Variants in TECPR2 observed in about 807,000 individuals in gnomAD.
TECPR2 encodes tectonin beta-propeller repeat containing 2, also known as tectonin beta-propeller repeat-containing protein 2.
A neutral mutation model predicts 138.1 loss-of-function variants in TECPR2; 65 were observed. The ratio of observed to expected loss-of-function variants is 0.47; its 90% CI spans 0.39 to 0.58. TECPR2 has a LOEUF of 0.58. Ranked by LOEUF, TECPR2 falls within the 20% of genes least tolerant of loss-of-function variation. The pLI is 0.00. For missense variants in TECPR2, 1,553 were observed against 1,824.5 expected, an observed-to-expected ratio of 0.85 and a Z score of 2.71; for synonymous variants, 746 against 749.8, an observed-to-expected ratio of 0.99 and a Z score of 0.08.
intron 17 of TECPR2, among the ~76,000 whole-genome samples, chr14:102,480,849 T>TG (rs1555454610): frequency 8.1e-6 from 1 of 123,198 alleles, no homozygotes; most frequent in Non-Finnish European, 1.7e-5. Flanking sequence ...GGGTTTTTTT[T>TG]TTTTTTTTTT....
chr14:102,487,302 T>C (rs943288672), intron 17 of TECPR2, among the ~76,000 whole-genome samples: 4 of 152,232 alleles, frequency 2.6e-5, no homozygotes, highest in African/African-American at 9.6e-5. Flanking sequence ...CTGAATTTCT[T>C]CCAAGTTCTG....
chr14:102,398,863 A>G (rs1888389829), intron 2 of TECPR2, among the ~76,000 whole-genome samples: 1 of 151,806 alleles, frequency 6.6e-6, no homozygotes. Context: ...TCAAAAAAGG[A>G]TTCAACCTGA....
At position 102,480,218 on chromosome 14, in the gene TECPR2, T is replaced by G. The variant is rs55996788; in HGVS notation, c.3789+14929T>G. ...GCCCAGGCATCTTGGTTGGTTTTTTTTTTTTTTTTTTTATTGATTTATTTG... is the reference window on the plus strand; with the variant it reads ...GCCCAGGCATCTTGGTTGGTTTTTTGTTTTTTTTTTTTATTGATTTATTTG... On this transcript the variant is annotated intron_variant, in intron 17 of 19. Coordinates refer to ENST00000359520, the MANE Select transcript of TECPR2 (RefSeq NM_014844.5). Among the ~76,000 whole-genome samples the G allele has an allele frequency of 8.8e-3, 656 of 74,766 alleles. 5 individuals are homozygous for G. Among genetic ancestry groups the G allele is most frequent in the African/African-American group, 0.045 (593 of 13,174 alleles). 49.0% of individuals were successfully genotyped at this position (74,766 alleles called of 152,430 possible).
chr14:102,380,086 A>G (rs1409394156), intron 2 of TECPR2, among the ~76,000 whole-genome samples: 1 of 126,566 alleles, frequency 7.9e-6, no homozygotes. Flanking sequence ...GCACAGAGGC[A>G]CCCTAGTCAC....
At position 102,413,388 on chromosome 14, in the gene TECPR2, TA is replaced by T. The variant is rs920321725; in HGVS notation, c.481-1247del. The stretch of plus-strand genomic sequence containing the variant: ...CATATATATATAATGTATATATATA[TA>T]TATTTTTTGAGACAGAGTCTCACTG... On this transcript the variant is annotated intron_variant, in intron 4 of 19. Coordinates refer to ENST00000359520, the MANE Select transcript of TECPR2 (RefSeq NM_014844.5). 2.0e-3 allele frequency among the ~76,000 whole-genome samples: 300 copies of T among 148,242 alleles called. 4 individuals carry two copies. Among genetic ancestry groups the T allele is most frequent in the African/African-American group, 7.2e-3 (290 of 40,558 alleles).
rs1160753610 is a variant in TECPR2, at chr14:102,415,490, GGGAA to G, written c.638+698_638+701del. On this transcript the variant is annotated intron_variant, in intron 5 of 19. Transcript: ENST00000359520. The surrounding 1 kb of genome is among the most constrained non-coding windows in gnomAD (Gnocchi z 4.3). ...TGGGAAAAGACAACTGGAACACCTG[GGGAA>G]CCTGTAATTCATCATCCCACCCTAG... Among the ~76,000 whole-genome samples, 1 of 152,104 alleles carries G rather than the reference GGGAA, an allele frequency of 6.6e-6. No individual in the cohort carries two copies. The highest frequency in any genetic ancestry group is 1.5e-5 in the Non-Finnish European group (1 of 68,028).
At chr14:102,365,971 TAATAGATGTCGTA>T (rs1887337001) in intron 1 of TECPR2, among the ~76,000 whole-genome samples, 1 of 152,208 alleles carries the variant, frequency 6.6e-6, no homozygotes, top group South Asian at 2.1e-4. Flanking sequence ...CTCAAATAAT[TAATAGATGTCGTA>T]GCCAGATTTC....
At chr14:102,441,869 G>A (rs1393521232) in intron 11 of TECPR2, among the ~76,000 whole-genome samples, 1 of 152,222 alleles carries the variant, frequency 6.6e-6, no homozygotes, top group Non-Finnish European at 1.5e-5. Context: ...TGATTTATCA[G>A]TATCTGGAAG....
In TECPR2 at chr14:102,438,351, C is replaced by T. The variant is rs528957449; in HGVS notation, c.2578+146C>T. 67 of 1,051,574 alleles carry T rather than the reference C, an allele frequency of 6.4e-5. No individual in the cohort carries two copies. In the South Asian group the frequency reaches 1.0e-3, roughly 16 times the overall value. 65.1% of individuals were successfully genotyped at this position (1,051,574 alleles called of 1,614,324 possible). ...CGTGCGTTCACCAGGTTTGCCTCTT[C>T]AGGAACGTTTGAGGGGTTGTCTCCA... On this transcript the variant is annotated intron_variant, in intron 10 of 19. Coordinates refer to ENST00000359520, the MANE Select transcript of TECPR2 (RefSeq NM_014844.5).
chr14:102,407,536 T>C (rs1257983590), intron 3 of TECPR2, 70 bp downstream of exon 3: 2 of 1,515,620 alleles, frequency 1.3e-6, no homozygotes, highest in Non-Finnish European at 1.8e-6. Flanking sequence ...AAATTAGAAA[T>C]CCTCATCTGC....
chr14:102,408,138 C>T (rs920460970), intron 3 of TECPR2, among the ~76,000 whole-genome samples: 1 of 151,818 alleles, frequency 6.6e-6, no homozygotes, highest in Non-Finnish European at 1.5e-5. Context: ...CACGCTACTG[C>T]ACTCCAGCCT....
chr14:102,482,334 G>A (rs1037721494), intron 17 of TECPR2, among the ~76,000 whole-genome samples: 2 of 152,176 alleles, frequency 1.3e-5, no homozygotes, highest in Non-Finnish European at 2.9e-5. Context: ...GGGATTACAG[G>A]CATGAGCCAC....
At chr14:102,401,952 C>T (rs1289123359) in intron 2 of TECPR2, among the ~76,000 whole-genome samples, 1 of 151,818 alleles carries the variant, frequency 6.6e-6, no homozygotes, top group Non-Finnish European at 1.5e-5. Flanking sequence ...TACAGAATTG[C>T]AGGAAGAAAT....
intron 17 of TECPR2, among the ~76,000 whole-genome samples, chr14:102,480,842 T>TTTG (rs1890877274): frequency 6.7e-5 from 1 of 14,960 alleles, no homozygotes; most frequent in Non-Finnish European, 1.2e-4. Flanking sequence ...TGGTTTTGGG[T>TTTG]TTTTTTTTTT....
chr14:102,482,178 C>T lies in TECPR2; in HGVS notation c.3790-14801C>T, dbSNP rs140603356. The stretch of plus-strand genomic sequence containing the variant: ...AAGTGATTCTTCTGCCTCAGCCTCC[C>T]GAGTAGCTGGGCTTAACAGGCGTGT... On this transcript the variant is annotated intron_variant, in intron 17 of 19. Transcript: ENST00000359520. Among the ~76,000 whole-genome samples, 112 of 152,230 alleles carry T rather than the reference C, an allele frequency of 7.4e-4. 1 individual carries two copies. Among genetic ancestry groups the T allele is most frequent in the African/African-American group, 2.6e-3 (108 of 41,530 alleles).
rs201704673 is a variant in TECPR2 at position 102,496,986 on chromosome 14, G to T, written c.3797G>T (p.Gly1266Val). 201 of 1,613,720 alleles carry T rather than the reference G, an allele frequency of 1.2e-4. No individual in the cohort carries two copies. Among genetic ancestry groups the T allele is most frequent in the Non-Finnish European group, 1.6e-4 (183 of 1,179,938 alleles). Residue 1266 changes from glycine (G) to valine (V), a missense_variant, in exon 18 of 20, where the codon GGG (glycine) becomes GTG (valine). By Grantham distance (109) the Gly-to-Val change is moderately radical (BLOSUM62 -3). Transcript: ENST00000359520. ...GTCCCTTCCCGCTTCCAGCCCGCCG[G>T]GGTCAGCTTGGTCAGCGTCCATTCC... ...IMIEPPVQPA[G>V]VSLVSVHSSP...
At chr14:102,476,618 AATGAAATC>A (rs1234137489) in intron 17 of TECPR2, among the ~76,000 whole-genome samples, 22 of 152,192 alleles carry the variant, frequency 1.4e-4, no homozygotes, top group African/African-American at 5.3e-4. Flanking sequence ...GCCTCACGTA[AATGAAATC>A]CAAGTCTTAA....
chr14:102,433,834 A>G (rs1047446624), intron 8 of TECPR2, among the ~76,000 whole-genome samples: 2 of 152,124 alleles, frequency 1.3e-5, no homozygotes, highest in South Asian at 2.1e-4. Context: ...CCCAGATTTC[A>G]TTCTTTGTTA....
chr14:102,383,690 G>A (rs551691981), intron 2 of TECPR2, among the ~76,000 whole-genome samples: 2 of 151,906 alleles, frequency 1.3e-5, no homozygotes. Flanking sequence ...TTACAAGCAT[G>A]AGCCACTGCG....
Sources: gnomAD v4.1 joint callset for allele counts (sites outside exome capture counted in the v4.1 genomes callset) on GRCh38, gnomAD v4.1.1 for gene constraint, Gnocchi (gnomAD v3.1) non-coding constraint, MANE v1.5 for transcripts, NCBI Gene and HGNC (gene_info 2026-07-23, HGNC 2026-07-21) for gene names.